The following SYNE2 variants were observed in gnomAD, a reference collection of about 807,000 sequenced individuals.
SYNE2 encodes nesprin-2.
In SYNE2, 431 loss-of-function variants were observed where a neutral mutation model predicts 856.3. The ratio of observed to expected loss-of-function variants is 0.50; its 90% confidence interval spans 0.47 to 0.55. The LOEUF (loss-of-function observed/expected upper bound fraction) is 0.55, where lower values mean the gene tolerates loss of function less well. SYNE2 is among the 20% of genes least tolerant of loss of function. SYNE2 has a pLI of 0.00. For missense variants in SYNE2, 8,129 were observed against 8,023.2 expected (o/e 1.01, Z -0.50); for synonymous variants, 2,923 against 2,872.3 (o/e 1.02, Z -0.56).
chr14:63,906,517 A>G lies in SYNE2; in HGVS notation c.-51-2581A>G, dbSNP rs547710104. ...TTGATATTGGTCTACTCAAGATTTC[A>G]ATCTCTTCCCAATTCAATCTTGGGA... On this transcript the variant is annotated intron_variant, in intron 1 of 115. Transcript: ENST00000555002. Among the ~76,000 whole-genome samples, 119 of 152,294 alleles carry G rather than the reference A, an allele frequency of 7.8e-4. 1 individual carries two copies. The highest frequency in any genetic ancestry group is 1.3e-3 in the Non-Finnish European group (89 of 68,018).
intron 96 of SYNE2, among the ~76,000 whole-genome samples, chr14:64,186,116 C>A (rs929695074): frequency 1.2e-4 from 18 of 152,058 alleles, no homozygotes; most frequent in African/African-American, 4.3e-4. Flanking sequence ...TTATTAGACT[C>A]CAAATACACT....
At chr14:63,869,908 G>A (rs1420234883) in intron 1 of SYNE2, among the ~76,000 whole-genome samples, 2 of 152,040 alleles carry the variant, frequency 1.3e-5, no homozygotes, top group African/African-American at 2.4e-5. Context: ...TTGGCACCTA[G>A]TTTCGAATTG....
chr14:63,892,503 A>G (rs1487683798), intron 1 of SYNE2, among the ~76,000 whole-genome samples: 1 of 151,820 alleles, frequency 6.6e-6, no homozygotes, highest in Admixed American at 6.6e-5. Flanking sequence ...AGATATTTGA[A>G]GTCAATTCAG....
At chr14:63,977,183 CT>C (rs1039671577) in intron 12 of SYNE2, among the ~76,000 whole-genome samples, 9 of 152,066 alleles carry the variant, frequency 5.9e-5, no homozygotes, top group African/African-American at 2.2e-4. Context: ...GTCTGCCTCT[CT>C]GTAAAATGTT....
At chr14:63,838,877 C>T (rs760301350) in intron 1 of SYNE2, among the ~76,000 whole-genome samples, 1 of 151,994 alleles carries the variant, frequency 6.6e-6, no homozygotes, top group South Asian at 2.1e-4. Context: ...AATTCTCTGT[C>T]TTAAGGTTTG....
At chr14:64,136,214 C>T (rs1305217367) in intron 78 of SYNE2, among the ~76,000 whole-genome samples, 3 of 147,302 alleles carry the variant, frequency 2.0e-5, no homozygotes, top group Non-Finnish European at 4.5e-5. Flanking sequence ...CGCTGGAACC[C>T]GGGAGTCGGA....
Position 64,098,124 on chromosome 14 carries a change from A to G in SYNE2, c.12284A>G (p.Glu4095Gly). The change falls in exon 62 of 116, where the codon GAG becomes GGG. Residue 4095 changes from glutamate to glycine, a missense_variant. Glu to Gly is a moderately conservative substitution (Grantham distance 98, BLOSUM62 -2). Transcript: ENST00000555002. ...AVTSEEGGVA[E>G]RDASERKLNR... ...ACATCAGAGGAAGGTGGAGTGGCAG[A>G]GAGGGATGCTTCTGAGCGGAAGGTG... 1 of 1,614,094 alleles carries G rather than the reference A, an allele frequency of 6.2e-7. No homozygotes were observed. Among genetic ancestry groups the G allele is most frequent in the Non-Finnish European group, 8.5e-7 (1 of 1,179,972 alleles).
intron 1 of SYNE2, among the ~76,000 whole-genome samples, chr14:63,776,741 A>G (rs756959706): frequency 6.6e-5 from 10 of 151,606 alleles, no homozygotes; most frequent in Admixed American, 5.9e-4. Context: ...CTGAGACTAC[A>G]AGTGTGCGCC....
At chr14:63,819,686 G>A (rs554465185) in intron 1 of SYNE2, among the ~76,000 whole-genome samples, 18 of 151,962 alleles carry the variant, frequency 1.2e-4, no homozygotes, top group South Asian at 8.3e-4. Flanking sequence ...ACAGGCGCCC[G>A]CCACCATGCC....
chr14:63,891,343 A>C (rs1215709464), intron 1 of SYNE2, among the ~76,000 whole-genome samples: 2 of 152,220 alleles, frequency 1.3e-5, no homozygotes, highest in East Asian at 3.8e-4. Context: ...AGTGTAGAGA[A>C]GAGGCCAGCC....
chr14:64,079,948 C>T (rs2097505586), intron 55 of SYNE2, among the ~76,000 whole-genome samples: 1 of 152,172 alleles, frequency 6.6e-6, no homozygotes, highest in Non-Finnish European at 1.5e-5. Context: ...AGCCCACACA[C>T]CTTGGCCTCC....
intron 66 of SYNE2, among the ~76,000 whole-genome samples, chr14:64,117,395 G>T (rs1407499838): frequency 6.6e-6 from 1 of 152,128 alleles, no homozygotes; most frequent in Non-Finnish European, 1.5e-5. Flanking sequence ...GACCTGACGG[G>T]CTCAGGCAAT....
At chr14:64,161,431 T>C (rs1471053103) in intron 87 of SYNE2, among the ~76,000 whole-genome samples, 1 of 152,106 alleles carries the variant, frequency 6.6e-6, no homozygotes, top group Non-Finnish European at 1.5e-5. Context: ...TCCACTTCTA[T>C]GTAAGGAACA....
At chr14:63,868,695 T>A (rs191851599) in intron 1 of SYNE2, among the ~76,000 whole-genome samples, 141 of 152,092 alleles carry the variant, frequency 9.3e-4, no homozygotes, top group Middle Eastern at 3.4e-3. Context: ...GAAAGTAATA[T>A]GGGGAAGGGC....
chr14:64,042,005 A>G (rs753246672), intron 45 of SYNE2, among the ~76,000 whole-genome samples: 18 of 152,212 alleles, frequency 1.2e-4, no homozygotes, highest in Non-Finnish European at 2.2e-4. Context: ...CTACATAGAT[A>G]TCTTAAGGAA....
intron 45 of SYNE2, among the ~76,000 whole-genome samples, chr14:64,042,266 C>T (rs1036397368): frequency 2.6e-5 from 4 of 152,060 alleles, no homozygotes; most frequent in Non-Finnish European, 5.9e-5. Context: ...ATTAAAAACC[C>T]ATAAAGCAAT....
At chr14:63,976,763 A>G (rs553786274) in intron 12 of SYNE2, 36 bp downstream of exon 12, 11 of 1,598,006 alleles carry the variant, frequency 6.9e-6, no homozygotes, top group Middle Eastern at 3.3e-4. Context: ...AGGAAAATAC[A>G]TATTTTGTTA....
intron 1 of SYNE2, among the ~76,000 whole-genome samples, chr14:63,784,630 G>T (rs1018346108): frequency 1.1e-4 from 16 of 151,902 alleles, no homozygotes; most frequent in African/African-American, 3.6e-4. Flanking sequence ...AAAGTGCTGG[G>T]ATTACAGGAA....
rs1371120547 is a variant in SYNE2, at chr14:64,024,375, G to T, written c.5756G>T (p.Gly1919Val). 6.2e-7 allele frequency: 1 copy of T among 1,614,042 alleles called. No individual in the cohort carries two copies. The highest frequency in any genetic ancestry group is 2.2e-5 in the East Asian group (1 of 44,898). Reference protein sequence around the residue: ...HVKELISWLVGQEFELEKMES... With the variant: ...HVKELISWLVVQEFELEKMES... ...AAGGAGCTTATCAGTTGGCTCGTGG[G>T]TCAGGAATTCGAATTAGAAAAAATG... Residue 1919 changes from glycine (G) to valine (V), a missense_variant, in exon 39 of 116, where the codon GGT becomes GTT. Around this residue, in one of 3 missense-constraint regions of SYNE2, gnomAD observed 2,422 missense variants for 2,357.4 expected, o/e 1.03. Coordinates refer to ENST00000555002, the MANE Select transcript of SYNE2 (RefSeq NM_182914.3).
Sources: allele counts gnomAD v4.1 joint callset (sites outside exome capture counted in the v4.1 genomes callset), GRCh38; gene constraint gnomAD v4.1.1; regional missense constraint gnomAD v4.1.1; transcripts MANE v1.5; gene names NCBI Gene and HGNC (gene_info 2026-07-23, HGNC 2026-07-21).